Variants in ESR2 observed in about 807,000 individuals in gnomAD.
ESR2 encodes estrogen receptor beta.
Under a neutral mutation model 49.6 loss-of-function variants are expected in ESR2, and 36 were observed. That is an observed-to-expected ratio of 0.73 (90% CI 0.56 to 0.96). ESR2 has a LOEUF of 0.96. Ranked by LOEUF, ESR2 falls within the 40% of genes least tolerant of loss-of-function variation. The pLI, the probability that ESR2 is intolerant of heterozygous loss-of-function variation, is 0.00. For synonymous variants in ESR2, 320 were observed against 266.1 expected, an observed-to-expected ratio of 1.20 and a Z score of -1.97; for missense variants, 714 against 693.0, an observed-to-expected ratio of 1.03 and a Z score of -0.34.
At chr14:64,305,490 G>A (rs2140873472) in intron 1 of ESR2, among the ~76,000 whole-genome samples, 1 of 151,568 alleles carries the variant, frequency 6.6e-6, no homozygotes, top group East Asian at 2.0e-4. Flanking sequence ...CTAACACAGT[G>A]AAACCCCATC....
intron 6 of ESR2, among the ~76,000 whole-genome samples, chr14:64,252,037 T>C (rs2075997968): frequency 6.6e-6 from 1 of 152,156 alleles, no homozygotes; most frequent in South Asian, 2.1e-4. Flanking sequence ...CAGGGCTGGC[T>C]GGGTAAAGTG....
chr14:64,257,522 A>G, intron 5 of ESR2, 158 bp from the exon 6 acceptor site: 1 of 918,478 alleles, frequency 1.1e-6, no homozygotes, highest in East Asian at 2.7e-5. Context: ...AAAGGAAGAA[A>G]ACTTTGAAGT....
At chr14:64,284,565 G>C (rs1456845821) in intron 1 of ESR2, among the ~76,000 whole-genome samples, 2 of 150,282 alleles carry the variant, frequency 1.3e-5, no homozygotes, top group Admixed American at 6.6e-5. Context: ...CAAGTGATCT[G>C]CCTGTTTCGG....
At position 64,233,279 on chromosome 14, in the gene ESR2, A is replaced by T; in HGVS notation, c.1451T>A (p.Val484Glu). ...EHLLNMKCKN[V>E]VPVYDLLLEM... ...CAGCAGCAGGTCATACACTGGGACCACATTTTTGCACTTCATGTTGAGCAG... is the reference window on the plus strand; with the variant it reads ...CAGCAGCAGGTCATACACTGGGACCTCATTTTTGCACTTCATGTTGAGCAG... The change falls in exon 9 of 9, where the codon GTG (valine) becomes GAG (glutamate). Residue 484 changes from valine to glutamate, a missense_variant. Physicochemically the swap from Val to Glu is moderately radical, Grantham distance 121. Transcript: ENST00000341099. The T allele has an allele frequency of 6.2e-7, 1 of 1,614,156 alleles. No individual in the cohort carries two copies. The highest frequency in any genetic ancestry group is 8.5e-7 in the Non-Finnish European group (1 of 1,179,998).
chr14:64,242,823 C>T (rs1040576361), intron 7 of ESR2, among the ~76,000 whole-genome samples: 4 of 133,192 alleles, frequency 3.0e-5, no homozygotes, highest in Non-Finnish European at 4.7e-5. Flanking sequence ...GATAGACATA[C>T]CCAAGACTGG....
At chr14:64,299,269 C>A (rs2076995280), upstream of ESR2, among the ~76,000 whole-genome samples, 1 of 151,862 alleles carries the variant, frequency 6.6e-6, no homozygotes, top group Non-Finnish European at 1.5e-5. Flanking sequence ...GTTTTTTCTA[C>A]ATCTTCTTGT....
intron 4 of ESR2, among the ~76,000 whole-genome samples, chr14:64,264,056 A>G (rs2076274054): frequency 6.6e-6 from 1 of 152,092 alleles, no homozygotes. Context: ...AATGGAAATT[A>G]AGAAAGACAT....
intron 1 of ESR2, among the ~76,000 whole-genome samples, chr14:64,335,647 G>A (rs2077520434): frequency 6.6e-6 from 1 of 152,100 alleles, no homozygotes; most frequent in Admixed American, 6.5e-5. Flanking sequence ...CAGGGTAAGG[G>A]CTTCAACATA....
At position 64,333,239 on chromosome 14, in the gene ESR2, G is replaced by T. The variant is rs926503998; in HGVS notation, c.-91+4659C>A. Among the ~76,000 whole-genome samples, 3 of 152,224 alleles carry T rather than the reference G, an allele frequency of 2.0e-5. No individual in the cohort carries two copies. The South Asian group carries it at 6.2e-4, about 32-fold the overall frequency. On this transcript the variant is annotated intron_variant, in intron 1 of 8. Transcript: ENST00000358599. ...TATGCTATATGTGAGCTTATGATGA[G>T]AGACATGTTTCAAAAATAAACTAGA...
At chr14:64,303,542 A>C (rs570041579) in intron 1 of ESR2, 15 of 152,264 alleles carry the variant, frequency 9.9e-5, no homozygotes, top group African/African-American at 2.6e-4. Flanking sequence ...TTCAACCTCC[A>C]GTCCTGGATA....
chr14:64,259,966 G>A (rs543215445), intron 5 of ESR2, among the ~76,000 whole-genome samples: 71 of 152,232 alleles, frequency 4.7e-4, no homozygotes, highest in Middle Eastern at 3.4e-3. Flanking sequence ...CAGGTTCCAG[G>A]ACTCTAGGAT....
At position 64,231,857 on chromosome 14, in the gene ESR2, C is replaced by T. The variant is rs990421097; in HGVS notation, c.*1280G>A. On this transcript the variant is annotated 3_prime_UTR_variant, in exon 9 of 9. Coordinates refer to ENST00000341099, the MANE Select transcript of ESR2 (RefSeq NM_001437.3). ...CTTTTAAAAGGTGAGTTAAAGTTGT[C>T]ATTTCAGAGGTGCCCTTCTTCATGT... 6.6e-6 allele frequency: 1 copy of T among 152,152 alleles called. No homozygotes were observed. The highest frequency in any genetic ancestry group is 2.4e-5 in the African/African-American group (1 of 41,432). The allele number at this position is 152,152 out of a possible 1,614,324, so 9.4% of individuals were successfully genotyped here.
intron 4 of ESR2, among the ~76,000 whole-genome samples, chr14:64,264,450 A>C (rs1286107027): frequency 1.3e-5 from 2 of 149,324 alleles, no homozygotes; most frequent in African/African-American, 5.1e-5. Context: ...AAATGGAGCA[A>C]AATGTATGTT....
At chr14:64,316,679 C>T (rs369918039) in intron 1 of ESR2, among the ~76,000 whole-genome samples, 15 of 151,302 alleles carry the variant, frequency 9.9e-5, no homozygotes, top group African/African-American at 3.6e-4. Context: ...CATGGTGGCA[C>T]GCACCTGTGG....
chr14:64,323,792 A>G (rs1035620027), intron 1 of ESR2, among the ~76,000 whole-genome samples: 1 of 152,130 alleles, frequency 6.6e-6, no homozygotes, highest in Admixed American at 6.5e-5. Flanking sequence ...CCCAGGTTCA[A>G]TCGATTCTCC....
chr14:64,271,850 C>T (rs1196160321), intron 3 of ESR2, among the ~76,000 whole-genome samples: 8 of 152,310 alleles, frequency 5.3e-5, no homozygotes, highest in Admixed American at 3.9e-4. Flanking sequence ...TTGTGAACAG[C>T]GCTGCAACAA....
chr14:64,306,169 T>C (rs2077094924), intron 1 of ESR2, among the ~76,000 whole-genome samples: 1 of 147,018 alleles, frequency 6.8e-6, no homozygotes, highest in African/African-American at 2.5e-5. Context: ...GCCATTGCAC[T>C]CCAGCCTGGG....
chr14:64,310,437 G>C (rs2077174441), intron 1 of ESR2, among the ~76,000 whole-genome samples: 1 of 151,030 alleles, frequency 6.6e-6, no homozygotes, highest in African/African-American at 2.4e-5. Flanking sequence ...AAAATTTTAT[G>C]AGTGCAGTTT....
intron 7 of ESR2, among the ~76,000 whole-genome samples, chr14:64,235,621 G>T (rs546441951): frequency 6.6e-6 from 1 of 152,284 alleles, no homozygotes; most frequent in African/African-American, 2.4e-5. Context: ...ACCACGTGCC[G>T]CAGCCAGCCA....
Sources: gnomAD v4.1 joint callset for allele counts (sites outside exome capture counted in the v4.1 genomes callset) on GRCh38, gnomAD v4.1.1 for gene constraint, MANE v1.5 for transcripts, NCBI Gene and HGNC (gene_info 2026-07-23, HGNC 2026-07-21) for gene names.